The following DCP2 variants were observed in gnomAD, a reference collection of about 807,000 sequenced individuals.
The protein encoded by DCP2 is decapping mRNA 2, also known as m7GpppN-mRNA hydrolase.
A neutral mutation model predicts 56.1 loss-of-function variants in DCP2; 30 were observed. The ratio of observed to expected loss-of-function variants is 0.53; its 90% CI spans 0.40 to 0.73. DCP2 has a LOEUF of 0.73. Ranked by LOEUF, DCP2 falls within the 30% of genes least tolerant of loss-of-function variation. The pLI is 0.00. For missense variants in DCP2, 533 were observed against 502.7 expected, an observed-to-expected ratio of 1.06 and a Z score of -0.58; for synonymous variants, 197 against 163.3, an observed-to-expected ratio of 1.21 and a Z score of -1.57.
chr5:113,004,529 T>C (rs919700193), intron 8 of DCP2, among the ~76,000 whole-genome samples: 5 of 152,254 alleles, frequency 3.3e-5, no homozygotes, highest in African/African-American at 1.2e-4. Flanking sequence ...CATAACACTG[T>C]TAATGCACAT....
intron 2 of DCP2, 76 bp downstream of exon 2, chr5:112,986,062 T>C (rs1748269120): frequency 7.2e-7 from 1 of 1,390,276 alleles, no homozygotes; most frequent in Middle Eastern, 2.0e-4. Context: ...TTTGCTTGCC[T>C]TTTCAGATTT....
intron 4 of DCP2, among the ~76,000 whole-genome samples, chr5:112,994,765 C>T (rs905954948): frequency 6.6e-6 from 1 of 152,064 alleles, no homozygotes; most frequent in East Asian, 1.9e-4. Context: ...ATTTTGTTAC[C>T]CAGTACCCTA....
At chr5:113,009,319 A>G (rs911819491) in intron 9 of DCP2, among the ~76,000 whole-genome samples, 2 of 152,232 alleles carry the variant, frequency 1.3e-5, no homozygotes, top group African/African-American at 4.8e-5. Flanking sequence ...TTAAGACGAA[A>G]GTTAATGACA....
At chr5:112,985,094 TAACA>T (rs1748213589) in intron 1 of DCP2, among the ~76,000 whole-genome samples, 1 of 152,104 alleles carries the variant, frequency 6.6e-6, no homozygotes, top group African/African-American at 2.4e-5. Flanking sequence ...CAAAAATGCT[TAACA>T]TTGGAAAAAA....
intron 8 of DCP2, among the ~76,000 whole-genome samples, chr5:113,004,917 A>G (rs575756439): frequency 2.0e-5 from 3 of 151,738 alleles, no homozygotes; most frequent in East Asian, 1.9e-4. Flanking sequence ...ACCTAAGGTC[A>G]TAAGTTCGAG....
chr5:112,979,007 G>T (rs1352896927), intron 1 of DCP2, among the ~76,000 whole-genome samples: 1 of 151,936 alleles, frequency 6.6e-6, no homozygotes, highest in East Asian at 1.9e-4. Flanking sequence ...TTAAATAAGT[G>T]ATGTCAGCTG....
chr5:113,013,053 C>T (rs557201639), intron 10 of DCP2, among the ~76,000 whole-genome samples: 1 of 152,196 alleles, frequency 6.6e-6, no homozygotes, highest in South Asian at 2.1e-4. Flanking sequence ...GGTAAAGTTA[C>T]GCTCATTTTG....
Position 113,008,028 on chromosome 5 carries a change from C to A in DCP2, c.1033C>A (p.Gln345Lys). ...AAATGGGCTTCAGCCAGCAAAGCAG[C>A]AGAATTCTTTGATGGTAAGAGTTAT... Reference protein sequence around the residue: ...RTNGLQPAKQQNSLMKCEKKL... With the variant: ...RTNGLQPAKQKNSLMKCEKKL... Residue 345 changes from glutamine (Q) to lysine (K), a missense_variant, in exon 9 of 11, where the codon CAG becomes AAG. By Grantham distance (53) the Gln-to-Lys change is moderately conservative (BLOSUM62 1). This residue lies in a region of DCP2 where 392 missense variants were observed against 346.6 expected (regional missense o/e 1.13). Transcript: ENST00000389063. The A allele has an allele frequency of 1.2e-6, 2 of 1,613,726 alleles. No homozygotes were observed. Among genetic ancestry groups the A allele is most frequent in the Non-Finnish European group, 1.7e-6 (2 of 1,179,736 alleles).
At chr5:113,000,329 A>G (rs1045719068) in intron 4 of DCP2, among the ~76,000 whole-genome samples, 1 of 150,418 alleles carries the variant, frequency 6.6e-6, no homozygotes, top group Non-Finnish European at 1.5e-5. Context: ...TGGCCTCCCA[A>G]AGTACTGAGA....
At position 113,019,008 on chromosome 5, in the gene DCP2, A is replaced by G. The variant is rs561658834; in HGVS notation, c.*5524A>G. 1.3e-5 allele frequency: 2 copies of G among 152,196 alleles called. No individual in the cohort carries two copies. 9.4% of individuals were successfully genotyped at this position (152,196 alleles called of 1,614,324 possible). A position where few individuals can be genotyped will look rare whatever the true frequency, so the allele number is the denominator to read the frequency against. On this transcript the variant is annotated 3_prime_UTR_variant, in exon 11 of 11. Transcript: ENST00000389063. ...GACTTGTGTGTGGTTCTAGAGTGAA[A>G]TGGGCAGTGTTCTGCTGGTCCTCAG...
intron 4 of DCP2, among the ~76,000 whole-genome samples, chr5:112,999,198 T>G (rs935843608): frequency 2.5e-4 from 38 of 152,268 alleles, no homozygotes; most frequent in Non-Finnish European, 8.8e-5. Context: ...TTTCCAATTA[T>G]GCAGATTCAT....
intron 2 of DCP2, among the ~76,000 whole-genome samples, chr5:112,990,834 A>C (rs1748554210): frequency 6.6e-6 from 1 of 152,170 alleles, no homozygotes; most frequent in Non-Finnish European, 1.5e-5. Flanking sequence ...TTTAAATTAC[A>C]GAATTGTAGA....
intron 2 of DCP2, among the ~76,000 whole-genome samples, chr5:112,986,413 C>A (rs1748289678): frequency 1.3e-5 from 2 of 151,608 alleles, no homozygotes; most frequent in South Asian, 2.1e-4. Context: ...TCCTAGCTTA[C>A]TGTATTCTCG....
At chr5:112,986,144 A>C (rs1474995795) in intron 2 of DCP2, 158 bp downstream of exon 2, 5 of 611,948 alleles carry the variant, frequency 8.2e-6, no homozygotes, top group Non-Finnish European at 1.1e-5. Context: ...CAATTTAGTA[A>C]TAATCATATT....
chr5:112,996,478 A>G (rs930946926), intron 4 of DCP2, among the ~76,000 whole-genome samples: 2 of 152,188 alleles, frequency 1.3e-5, no homozygotes, highest in Non-Finnish European at 2.9e-5. Context: ...TAAGTTGCTA[A>G]TAGCATTTTT....
In DCP2 at chr5:113,021,790, G is replaced by T. The variant is rs1750154052; in HGVS notation, c.*8306G>T. Among the ~76,000 whole-genome samples the T allele has an allele frequency of 1.3e-5, 2 of 152,142 alleles. No individual in the cohort carries two copies. Among genetic ancestry groups the T allele is most frequent in the Non-Finnish European group, 2.9e-5 (2 of 68,016 alleles). On this transcript the variant is annotated 3_prime_UTR_variant, in exon 11 of 11. Coordinates refer to ENST00000389063, the MANE Select transcript of DCP2 (RefSeq NM_152624.6). Reference sequence around the variant, plus strand: ...TTGCAAAGCTGCTTGCCATCTTGTTGTCCTATATGACTTCCTTGCATTTCC... The same window carrying T: ...TTGCAAAGCTGCTTGCCATCTTGTTTTCCTATATGACTTCCTTGCATTTCC...
intron 1 of DCP2, among the ~76,000 whole-genome samples, chr5:112,980,932 G>A (rs1233924015): frequency 6.6e-6 from 1 of 151,950 alleles, no homozygotes; most frequent in Admixed American, 6.6e-5. Context: ...CTAGATGAGA[G>A]TTCAGTTTAC....
intron 9 of DCP2, 198 bp downstream of exon 9, chr5:113,008,240 A>T: frequency 2.2e-6 from 1 of 456,246 alleles, no homozygotes; most frequent in African/African-American, 1.9e-5. Context: ...TATAATGTTG[A>T]TGCAATTGTA....
rs142459154 is a variant in DCP2 at position 113,001,206 on chromosome 5, A to G, written c.555A>G (p.Lys185=). The change falls in exon 5 of 11, where the codon AAA becomes AAG. Residue 185 remains lysine, a synonymous_variant. Transcript: ENST00000389063. ...YIIPGIPKDT[K]FNPKTRREIR... ...TTCCAGGAATTCCAAAAGACACAAA[A>G]TTTAACCCAAAAACTAGAAGAGAAA... The G allele has an allele frequency of 4.9e-5, 79 of 1,613,598 alleles. No individual in the cohort carries two copies. In the African/African-American group the frequency reaches 9.9e-4, roughly 20 times the overall value.
Sources: gnomAD v4.1 joint callset for allele counts (sites outside exome capture counted in the v4.1 genomes callset) on GRCh38, gnomAD v4.1.1 for gene constraint, gnomAD v4.1.1 regional missense constraint, MANE v1.5 for transcripts, NCBI Gene and HGNC (gene_info 2026-07-23, HGNC 2026-07-21) for gene names.